Variants in ZNF335 observed in about 807,000 individuals in gnomAD.
ZNF335 encodes NRC-interacting factor 1.
In ZNF335, 84 loss-of-function variants were observed where a neutral mutation model predicts 145.6. The observed-to-expected ratio is 0.58, with a 90% CI of 0.48 to 0.69. The LOEUF is 0.69. Among genes scored for constraint, ZNF335 ranks in the 30% least tolerant of loss-of-function variants. The probability of loss-of-function intolerance (pLI) is 0.00; values close to 1 mark genes in which losing one functional copy is unlikely to be tolerated. For missense variants in ZNF335, 1,865 were observed against 1,809.7 expected, an observed-to-expected ratio of 1.03 and a Z score of -0.55; for synonymous variants, 761 against 717.0, an observed-to-expected ratio of 1.06 and a Z score of -0.98.
intron 7 of ZNF335, 146 bp from the exon 8 acceptor site, chr20:45,964,136 C>A: frequency 9.8e-7 from 1 of 1,024,326 alleles, no homozygotes; most frequent in South Asian, 2.0e-5. Context: ...CACAGACAGC[C>A]TGTGGTTAGA....
At chr20:45,959,485 C>T in intron 14 of ZNF335, 52 bp from the exon 15 acceptor site, 1 of 1,309,924 alleles carries the variant, frequency 7.6e-7, no homozygotes, top group Non-Finnish European at 1.0e-6. Context: ...TAGCCTACCC[C>T]CTCCAGGAAT....
chr20:45,962,745 A>C (rs1046413167), intron 9 of ZNF335, among the ~76,000 whole-genome samples: 2 of 152,090 alleles, frequency 1.3e-5, no homozygotes, highest in African/African-American at 4.8e-5. Flanking sequence ...ACTGCATAAA[A>C]GGCTCAGGGC....
At chr20:45,964,411 G>A (rs909457586) in intron 7 of ZNF335, 3 of 165,040 alleles carry the variant, frequency 1.8e-5, no homozygotes, top group Non-Finnish European at 3.9e-5. Flanking sequence ...CAATAGGAGT[G>A]CTTTAACACT....
rs755456745 is a variant in ZNF335, at chr20:45,966,643, C to T, written c.955+851G>A. 6.0e-5 allele frequency among the ~76,000 whole-genome samples: 9 copies of T among 150,756 alleles called. No homozygotes were observed. The East Asian group carries it at 7.9e-4, about 13-fold the overall frequency. On this transcript the variant is annotated intron_variant, in intron 6 of 27. Coordinates refer to ENST00000322927, the MANE Select transcript of ZNF335 (RefSeq NM_022095.4). ...TCAACTCACTGCAACCTCTACCTCCCGGGTTCAAGCGAATTCTCCTGCCTC... is the reference window on the plus strand; with the variant it reads ...TCAACTCACTGCAACCTCTACCTCCTGGGTTCAAGCGAATTCTCCTGCCTC...
intron 2 of ZNF335, among the ~76,000 whole-genome samples, chr20:45,970,817 C>T (rs1474798086): frequency 6.7e-6 from 1 of 150,084 alleles, no homozygotes; most frequent in Non-Finnish European, 1.5e-5. Context: ...TCTCCAACTC[C>T]TGGGCTCAAG....
intron 17 of ZNF335, among the ~76,000 whole-genome samples, chr20:45,957,082 C>T (rs138458006): frequency 2.2e-4 from 33 of 150,536 alleles, no homozygotes; most frequent in African/African-American, 4.1e-4. Context: ...CAGATGTGAA[C>T]GGGGAGGGCA....
intron 1 of ZNF335, 57 bp downstream of exon 1, chr20:45,972,065 G>A: frequency 7.8e-7 from 1 of 1,280,238 alleles, no homozygotes; most frequent in Non-Finnish European, 1.0e-6. Flanking sequence ...TCCCCGCAGT[G>A]TGACCTCACT....
At chr20:45,967,313 G>T in intron 6 of ZNF335, 181 bp downstream of exon 6, 1 of 848,886 alleles carries the variant, frequency 1.2e-6, no homozygotes, top group Non-Finnish European at 1.8e-6. Flanking sequence ...TTTCCAGTGT[G>T]CACCCTGCAC....
intron 17 of ZNF335, among the ~76,000 whole-genome samples, chr20:45,957,187 T>C (rs2083744457): frequency 1.3e-5 from 2 of 152,146 alleles, no homozygotes; most frequent in Admixed American, 6.5e-5. Flanking sequence ...CCCTGGGGTC[T>C]GCAGGCTGTA....
intron 14 of ZNF335, 73 bp from the exon 15 acceptor site, chr20:45,959,506 C>A (rs548820407): frequency 6.9e-6 from 8 of 1,152,854 alleles, no homozygotes; most frequent in Non-Finnish European, 9.2e-6. Context: ...CCTTTCTTGA[C>A]CCTAAGGATC....
chr20:45,968,116 G>A, intron 4 of ZNF335, 89 bp from the exon 5 acceptor site: 1 of 1,569,892 alleles, frequency 6.4e-7, no homozygotes, highest in Non-Finnish European at 8.7e-7. Context: ...CAGGCCCAGG[G>A]AGTGCAGAAC....
At chr20:45,957,452 T>G (rs2083749497) in intron 17 of ZNF335, 134 bp downstream of exon 17, 2 of 791,706 alleles carry the variant, frequency 2.5e-6, no homozygotes, top group East Asian at 5.4e-5. Context: ...TCAGCAGATC[T>G]GTCTCCTCCA....
In ZNF335 at chr20:45,953,690, T is replaced by C. The variant is rs1416943812; in HGVS notation, c.2701A>G (p.Ser901Gly). Residue 901 changes from serine to glycine, a missense_variant and splice_region_variant, in exon 18 of 28, where the codon AGC becomes GGC. Transcript: ENST00000322927. ...EGTSAPGTPYSEEPAGEAAQA... is the reference protein window; with the variant it reads ...EGTSAPGTPYGEEPAGEAAQA... ...GGCCTTGCAGGCAGCAGGTCTCACC[T>C]GTAAGGTGTGCCAGGAGCTGATGTT... is the stretch of plus-strand genomic sequence containing the variant. The C allele has an allele frequency of 1.9e-6, 3 of 1,613,996 alleles. No individual in the cohort carries two copies. Among genetic ancestry groups the C allele is most frequent in the African/African-American group, 2.7e-5 (2 of 75,060 alleles).
chr20:45,952,728 T>A lies in ZNF335; in HGVS notation c.2703-19A>T, dbSNP rs771738337. On this transcript the variant is annotated intron_variant, in intron 18 of 27. Coordinates refer to ENST00000322927, the MANE Select transcript of ZNF335 (RefSeq NM_022095.4). ...CTCCTCGCTGTGGGCATGGAGAAGG[T>A]TCTAGGAGAAGATGGAGGGCCACAG... The A allele has an allele frequency of 1.6e-5, 25 of 1,611,214 alleles. No homozygotes were observed. The South Asian group carries it at 2.6e-4, about 17-fold the overall frequency.
chr20:45,969,394 C>T (rs1568830286), intron 3 of ZNF335, 57 bp downstream of exon 3: 1 of 1,448,798 alleles, frequency 6.9e-7, no homozygotes, highest in East Asian at 2.4e-5. Context: ...AGGGTGGGCA[C>T]AGCTGGCTGC....
At position 45,963,843 on chromosome 20, in the gene ZNF335, T is replaced by C; in HGVS notation, c.1250A>G (p.Gln417Arg). The C allele has an allele frequency of 6.2e-7, 1 of 1,613,416 alleles. No individual in the cohort carries two copies. Among genetic ancestry groups the C allele is most frequent in the East Asian group, 2.2e-5 (1 of 44,880 alleles). Reference protein sequence around the residue: ...SRTPVEAGVSQSDAENAAPSC... With the variant: ...SRTPVEAGVSRSDAENAAPSC... ...GGGGGCTGCGTTCTCTGCATCTGACTGGCTCACACCAGCTTCCACAGGGGT... is the reference window on the plus strand; with the variant it reads ...GGGGGCTGCGTTCTCTGCATCTGACCGGCTCACACCAGCTTCCACAGGGGT... The change falls in exon 8 of 28, where the codon CAG becomes CGG. Residue 417 changes from glutamine to arginine, a missense_variant. By Grantham distance (43) the Gln-to-Arg change is conservative. Transcript: ENST00000322927.
chr20:45,959,576 TC>T, intron 14 of ZNF335, 143 bp from the exon 15 acceptor site: 2 of 583,870 alleles, frequency 3.4e-6, no homozygotes, highest in Non-Finnish European at 5.4e-6. Context: ...CATGCCACTG[TC>T]CATTCTGGTG....
intron 18 of ZNF335, 64 bp downstream of exon 18, chr20:45,953,625 A>C: frequency 6.3e-7 from 1 of 1,590,650 alleles, no homozygotes; most frequent in Non-Finnish European, 8.6e-7. Flanking sequence ...GGTGGGGCCC[A>C]AATCGGACCG....
chr20:45,955,251 G>A (rs1229724912), intron 17 of ZNF335, among the ~76,000 whole-genome samples: 1 of 145,274 alleles, frequency 6.9e-6, no homozygotes, highest in Non-Finnish European at 1.5e-5. Context: ...CTACTTGGGA[G>A]GCTGAGGCAG....
Sources: gnomAD v4.1 joint callset for allele counts (sites outside exome capture counted in the v4.1 genomes callset) on GRCh38, gnomAD v4.1.1 for gene constraint, MANE v1.5 for transcripts, NCBI Gene and HGNC (gene_info 2026-07-23, HGNC 2026-07-21) for gene names.